The following SGCD variants were observed in gnomAD, a reference collection of about 807,000 sequenced individuals.
SGCD encodes the protein delta-sarcoglycan.
Under a neutral mutation model 36.6 loss-of-function variants are expected in SGCD, and 18 were observed. That is an observed-to-expected ratio of 0.49 (90% CI 0.34 to 0.73). SGCD has a LOEUF of 0.73. Ranked by LOEUF, SGCD falls within the 30% of genes least tolerant of loss-of-function variation. The probability of loss-of-function intolerance (pLI) is 0.01; values close to 1 mark genes in which losing one functional copy is unlikely to be tolerated. For synonymous variants in SGCD, 133 were observed against 130.6 expected (o/e 1.02, Z -0.12); for missense variants, 387 against 346.7 (o/e 1.12, Z -0.92).
intron 1 of SGCD, among the ~76,000 whole-genome samples, chr5:155,952,319 C>T (rs544492011): frequency 3.6e-4 from 55 of 152,088 alleles, no homozygotes; most frequent in African/African-American, 7.2e-4. Context: ...CATTATACTG[C>T]GTCAAAGTGG....
chr5:156,024,536 T>C lies in SGCD; in HGVS notation c.-281-93342T>C, dbSNP rs575369890. 8.5e-5 allele frequency among the ~76,000 whole-genome samples: 13 copies of C among 152,190 alleles called. No individual in the cohort carries two copies. The South Asian group carries it at 2.5e-3, about 29-fold the overall frequency. On this transcript the variant is annotated intron_variant, in intron 1 of 9. Coordinates refer to the SGCD transcript ENST00000517913. ...TCTACCTTTTTTGTAGGCTGGACTA[T>C]ATTAGCTTGTTTAATGAATCACTGT...
Position 156,216,522 on chromosome 5 carries a change from T to G in SGCD, c.-44+92503T>G, listed in dbSNP as rs145650809. Among the ~76,000 whole-genome samples, 1,052 of 152,310 alleles carry G rather than the reference T, an allele frequency of 6.9e-3. 5 individuals carry two copies. Among genetic ancestry groups the G allele is most frequent in the African/African-American group, 0.018 (753 of 41,572 alleles). Reference sequence around the variant, plus strand: ...TATGTAAGCATCTGTGTAAAGCATGTTAATACTTATTTTATTACCAGCTCT... The same window carrying G: ...TATGTAAGCATCTGTGTAAAGCATGGTAATACTTATTTTATTACCAGCTCT... On this transcript the variant is annotated intron_variant, in intron 3 of 9. Transcript: ENST00000517913.
intron 1 of SGCD, among the ~76,000 whole-genome samples, chr5:156,060,006 G>A (rs1392427255): frequency 6.8e-6 from 1 of 146,410 alleles, no homozygotes; most frequent in East Asian, 1.9e-4. Context: ...AAACTGTTCA[G>A]GTCAAATATT....
At chr5:155,732,730 G>T in the SGCD span, among the ~76,000 whole-genome samples, 1 of 152,178 alleles carries the variant, frequency 6.6e-6, no homozygotes, top group Non-Finnish European at 1.5e-5. Context: ...AGAGGCCAGA[G>T]ATCTATATTT....
intron 3 of SGCD, among the ~76,000 whole-genome samples, chr5:156,490,073 A>G (rs1755868081): frequency 6.6e-6 from 1 of 152,074 alleles, no homozygotes; most frequent in African/African-American, 2.4e-5. Context: ...AAAGACTATT[A>G]TAAACAACCA....
intron 3 of SGCD, among the ~76,000 whole-genome samples, chr5:156,270,811 CA>C (rs34676117): frequency 0.21 from 32,630 of 152,062 alleles, 3,902 homozygotes; most frequent in Admixed American, 0.27. Context: ...GGTTAAGCCA[CA>C]ATATACAGTG....
At chr5:156,223,227 G>A (rs534077610) in intron 3 of SGCD, among the ~76,000 whole-genome samples, 20 of 152,150 alleles carry the variant, frequency 1.3e-4, no homozygotes, top group African/African-American at 2.7e-4. Context: ...AAGTAGTGGC[G>A]TTCATGACAC....
chr5:156,449,317 G>A (rs573085897), intron 3 of SGCD, among the ~76,000 whole-genome samples: 8 of 152,138 alleles, frequency 5.3e-5, no homozygotes, highest in African/African-American at 9.6e-5. Flanking sequence ...TTTGGATCAC[G>A]TTTGTTGCAC....
In SGCD at chr5:156,101,939, TGTGA is replaced by T. The variant is rs1424901922; in HGVS notation, c.-281-15937_-281-15934del. Among the ~76,000 whole-genome samples, 672 of 147,854 alleles carry T rather than the reference TGTGA, an allele frequency of 4.5e-3. 4 individuals carry two copies. Among genetic ancestry groups the T allele is most frequent in the Middle Eastern group, 0.014 (4 of 288 alleles). On this transcript the variant is annotated intron_variant, in intron 1 of 9. Coordinates refer to the SGCD transcript ENST00000517913. ...GTGTGTGTGTGTGTGTGTGTGTGTGTGTGAGAGAGAGAGAGAGAGAGAGAGAGAG... is the reference window on the plus strand; with the variant it reads ...GTGTGTGTGTGTGTGTGTGTGTGTGTGAGAGAGAGAGAGAGAGAGAGAGAG...
At chr5:156,683,952 C>T (rs1753813360) in intron 7 of SGCD, among the ~76,000 whole-genome samples, 1 of 152,162 alleles carries the variant, frequency 6.6e-6, no homozygotes, top group South Asian at 2.1e-4. Flanking sequence ...TGAGACCAAA[C>T]TACAAAAATG....
the SGCD span, among the ~76,000 whole-genome samples, chr5:155,812,150 C>A: frequency 5.9e-5 from 9 of 152,152 alleles, no homozygotes; most frequent in Non-Finnish European, 1.3e-4. Context: ...TATGCCTTAA[C>A]CCTAAAGAGG....
chr5:156,009,363 T>C (rs983556216), intron 1 of SGCD, among the ~76,000 whole-genome samples: 1 of 152,174 alleles, frequency 6.6e-6, no homozygotes, highest in Admixed American at 6.5e-5. Context: ...CCAATTTCTA[T>C]TGGCCTCTAC....
chr5:156,417,564 C>T (rs1018970029), intron 3 of SGCD, among the ~76,000 whole-genome samples: 2 of 152,074 alleles, frequency 1.3e-5, no homozygotes, highest in Admixed American at 1.3e-4. Context: ...CTGGAAAGTC[C>T]CAAATCAAGG....
chr5:156,007,685 G>A (rs1023673369), intron 1 of SGCD, among the ~76,000 whole-genome samples: 1 of 152,168 alleles, frequency 6.6e-6, no homozygotes, highest in Non-Finnish European at 1.5e-5. Flanking sequence ...CAAACACTAA[G>A]CCAGTAGGTG....
At chr5:155,910,931 A>G (rs373372210) in intron 1 of SGCD, among the ~76,000 whole-genome samples, 16 of 152,222 alleles carry the variant, frequency 1.1e-4, no homozygotes, top group African/African-American at 3.9e-4. Context: ...CTTCTGCATG[A>G]AAATTGTAAG....
rs564576698 is a variant in SGCD at position 156,134,935 on chromosome 5, C to T, written c.-44+10916C>T. On this transcript the variant is annotated intron_variant, in intron 3 of 9. Coordinates refer to the SGCD transcript ENST00000517913. Reference sequence around the variant, plus strand: ...CACATATTCCCTTTTGACTCCATTGCATTTTTTGCAAACTTGTATTGTAAT... The same window carrying T: ...CACATATTCCCTTTTGACTCCATTGTATTTTTTGCAAACTTGTATTGTAAT... Among the ~76,000 whole-genome samples the T allele has an allele frequency of 1.1e-3, 165 of 152,238 alleles. 1 individual carries two copies. The highest frequency in any genetic ancestry group is 6.8e-3 in the South Asian group (33 of 4,820).
At chr5:156,505,874 G>A (rs945393644) in intron 3 of SGCD, among the ~76,000 whole-genome samples, 1 of 151,908 alleles carries the variant, frequency 6.6e-6, no homozygotes, top group African/African-American at 2.4e-5. Flanking sequence ...TTGAATATTT[G>A]TTATTTTGTA....
chr5:155,814,138 C>G, the SGCD span, among the ~76,000 whole-genome samples: 1 of 152,240 alleles, frequency 6.6e-6, no homozygotes, highest in African/African-American at 2.4e-5. Flanking sequence ...CTTCTAGCCT[C>G]TCTGTTGTTT....
At chr5:156,344,862 G>A (rs1768866964) in intron 3 of SGCD, among the ~76,000 whole-genome samples, 185 bp downstream of exon 3, 8 of 152,138 alleles carry the variant, frequency 5.3e-5, no homozygotes, top group Admixed American at 5.2e-4. Flanking sequence ...TCTAATCTCA[G>A]TTCTTCGGGG....
Sources: allele counts gnomAD v4.1 joint callset (sites outside exome capture counted in the v4.1 genomes callset), GRCh38; gene constraint gnomAD v4.1.1; transcripts MANE v1.5; gene names NCBI Gene and HGNC (gene_info 2026-07-23, HGNC 2026-07-21).